UBE2E2: variants seen among roughly 807,000 people sequenced by gnomAD.
UBE2E2 encodes the protein ubiquitin-conjugating enzyme E2 E2.
A neutral mutation model predicts 24.7 loss-of-function variants in UBE2E2; 6 were observed. That is an observed-to-expected ratio of 0.24 (90% confidence interval 0.13 to 0.48). UBE2E2 has a LOEUF of 0.48. Ranked by LOEUF, UBE2E2 falls within the 20% of genes least tolerant of loss-of-function variation. The pLI is 0.99. For missense variants in UBE2E2, 169 were observed against 245.0 expected, an observed-to-expected ratio of 0.69 and a Z score of 2.07; for synonymous variants, 104 against 83.6, an observed-to-expected ratio of 1.24 and a Z score of -1.33.
intron 3 of UBE2E2, among the ~76,000 whole-genome samples, chr3:23,278,803 G>A (rs1333888284): frequency 6.6e-6 from 1 of 152,094 alleles, no homozygotes; most frequent in Admixed American, 6.6e-5. Flanking sequence ...GTAGAATTCA[G>A]CAATACATTT....
intron 5 of UBE2E2, among the ~76,000 whole-genome samples, chr3:23,574,104 G>T (rs1375586583): frequency 6.6e-6 from 1 of 152,170 alleles, no homozygotes; most frequent in Non-Finnish European, 1.5e-5. Context: ...ATTATGTTAA[G>T]TGAAATAAGC....
At chr3:23,302,476 A>G (rs1028546203) in intron 3 of UBE2E2, among the ~76,000 whole-genome samples, 3 of 152,284 alleles carry the variant, frequency 2.0e-5, no homozygotes, top group Middle Eastern at 3.4e-3. Context: ...GCTGAGTTCC[A>G]TGCTTTTCAG....
rs772309823 is a variant in UBE2E2 at position 23,208,675 on chromosome 3, T to C, written c.-8-17T>C. On this transcript the variant is annotated splice_polypyrimidine_tract_variant and intron_variant, in intron 1 of 5. Transcript: ENST00000396703. ...TGTAGTACAGCTAAATAAATGATTT[T>C]TGATTCTTTAATCCAGGATCTAAAA... 1.3e-6 allele frequency: 2 copies of C among 1,581,390 alleles called. No individual in the cohort carries two copies. Among genetic ancestry groups the C allele is most frequent in the South Asian group, 2.3e-5 (2 of 85,140 alleles).
intron 3 of UBE2E2, among the ~76,000 whole-genome samples, chr3:23,412,427 C>T (rs1051928589): frequency 6.9e-6 from 1 of 144,196 alleles, no homozygotes. Flanking sequence ...GTGCAGCGCT[C>T]TTTGCAGTTG....
chr3:23,534,779 A>G (rs1021009586), intron 5 of UBE2E2, among the ~76,000 whole-genome samples: 2 of 152,222 alleles, frequency 1.3e-5, no homozygotes, highest in African/African-American at 2.4e-5. Flanking sequence ...TCTTAAATCT[A>G]TCTTCAAATT....
At chr3:23,265,321 T>A (rs1698016944) in intron 3 of UBE2E2, among the ~76,000 whole-genome samples, 2 of 152,096 alleles carry the variant, frequency 1.3e-5, no homozygotes, top group African/African-American at 4.8e-5. Context: ...TAGGGTGTCT[T>A]TCTCACTTCA....
At chr3:23,225,537 C>A (rs1459057128) in intron 3 of UBE2E2, among the ~76,000 whole-genome samples, 1 of 151,800 alleles carries the variant, frequency 6.6e-6, no homozygotes, top group East Asian at 2.0e-4. Context: ...TGTCCCAGCA[C>A]CATTCGTTGA....
chr3:23,360,363 T>C (rs1284819314), intron 3 of UBE2E2, among the ~76,000 whole-genome samples: 2 of 152,204 alleles, frequency 1.3e-5, no homozygotes, highest in African/African-American at 4.8e-5. Flanking sequence ...CAAAGATTAA[T>C]TTTACTTCTG....
At chr3:23,446,898 T>A (rs1698446601) in intron 3 of UBE2E2, among the ~76,000 whole-genome samples, 2 of 151,936 alleles carry the variant, frequency 1.3e-5, no homozygotes, top group South Asian at 2.1e-4. Flanking sequence ...GCATTTCAGG[T>A]CCCCCAGTAT....
chr3:23,520,403 C>T (rs1327003783), intron 4 of UBE2E2, among the ~76,000 whole-genome samples: 1 of 152,204 alleles, frequency 6.6e-6, no homozygotes, highest in Non-Finnish European at 1.5e-5. Context: ...TTACAACTTA[C>T]TGTTTATACA....
At chr3:23,548,318 G>A (rs1559418101) in intron 5 of UBE2E2, among the ~76,000 whole-genome samples, 1 of 152,024 alleles carries the variant, frequency 6.6e-6, no homozygotes, top group Non-Finnish European at 1.5e-5. Flanking sequence ...GTTCCTATCA[G>A]CCCAGGGACT....
At chr3:23,291,827 T>C (rs1006721029) in intron 3 of UBE2E2, among the ~76,000 whole-genome samples, 1 of 149,200 alleles carries the variant, frequency 6.7e-6, no homozygotes, top group Non-Finnish European at 1.5e-5. Context: ...GAATTACAGA[T>C]GTGTGCCACC....
intron 3 of UBE2E2, among the ~76,000 whole-genome samples, chr3:23,254,695 G>C (rs1348937463): frequency 6.6e-6 from 1 of 152,138 alleles, no homozygotes; most frequent in Non-Finnish European, 1.5e-5. Context: ...AAAGGGTTTG[G>C]GGGTGTTTGA....
chr3:23,450,565 GAAAT>G (rs1698542206), intron 3 of UBE2E2, among the ~76,000 whole-genome samples: 1 of 151,922 alleles, frequency 6.6e-6, no homozygotes, highest in Non-Finnish European at 1.5e-5. Context: ...TAAAAGTGAG[GAAAT>G]AAATTAAGAA....
At chr3:23,432,341 T>C (rs1644503387) in intron 3 of UBE2E2, among the ~76,000 whole-genome samples, 1 of 152,002 alleles carries the variant, frequency 6.6e-6, no homozygotes, top group African/African-American at 2.4e-5. Flanking sequence ...TCGTTCATAA[T>C]TGGCAAAAAG....
At chr3:23,239,205 A>T (rs73033558) in intron 3 of UBE2E2, among the ~76,000 whole-genome samples, 7,667 of 152,220 alleles carry the variant, frequency 0.05, 281 homozygotes, top group Non-Finnish European at 0.072. Flanking sequence ...TTATGGAACT[A>T]CTAAGTTATC....
intron 3 of UBE2E2, among the ~76,000 whole-genome samples, chr3:23,495,159 G>T (rs537923619): frequency 3.3e-5 from 5 of 152,304 alleles, no homozygotes; most frequent in Non-Finnish European, 7.3e-5. Flanking sequence ...AACCAATTCA[G>T]AGTGATAATA....
At chr3:23,534,128 C>CTTTTTTT (rs1158079342) in intron 5 of UBE2E2, 3 of 439,242 alleles carry the variant, frequency 6.8e-6, no homozygotes, top group African/African-American at 3.5e-5. Flanking sequence ...TGCAAGAAGG[C>CTTTTTTT]TTTTTTTTTT....
At chr3:23,227,690 G>A (rs1696863715) in intron 3 of UBE2E2, among the ~76,000 whole-genome samples, 1 of 152,144 alleles carries the variant, frequency 6.6e-6, no homozygotes, top group African/African-American at 2.4e-5. Flanking sequence ...CATTGGAAAT[G>A]CGTGTACTAA....
Sources: allele counts gnomAD v4.1 joint callset (sites outside exome capture counted in the v4.1 genomes callset), GRCh38; gene constraint gnomAD v4.1.1; transcripts MANE v1.5; gene names NCBI Gene and HGNC (gene_info 2026-07-23, HGNC 2026-07-21).